Variants in ARAP2 observed in about 807,000 individuals in gnomAD.
The protein encoded by ARAP2 is arf-GAP with Rho-GAP domain, ANK repeat and PH domain-containing protein 2.
ARAP2 carries 148 observed loss-of-function variants against 194.5 expected under a neutral mutation model. The observed-to-expected ratio is 0.76, with a 90% CI of 0.67 to 0.87. The LOEUF (loss-of-function observed/expected upper bound fraction) is 0.87, where lower values mean the gene tolerates loss of function less well. Among genes scored for constraint, ARAP2 ranks in the 40% least tolerant of loss-of-function variants. The probability of loss-of-function intolerance (pLI) is 0.00; values close to 1 mark genes in which losing one functional copy is unlikely to be tolerated. For synonymous variants in ARAP2, 695 were observed against 683.5 expected (o/e 1.02, Z -0.26); for missense variants, 2,128 against 1,989.7 (o/e 1.07, Z -1.32).
In ARAP2 at chr4:36,167,014, G is replaced by A; in HGVS notation, c.1891C>T (p.Pro631Ser). 6.2e-7 allele frequency: 1 copy of A among 1,601,706 alleles called. No individual in the cohort carries two copies. Among genetic ancestry groups the A allele is most frequent in the African/African-American group, 1.3e-5 (1 of 74,514 alleles). Residue 631 changes from proline (P) to serine (S), a missense_variant, in exon 10 of 33, where the codon CCT (proline) becomes TCT (serine). Pro to Ser is a moderately conservative substitution (Grantham distance 74). Coordinates refer to ENST00000303965, the MANE Select transcript of ARAP2 (RefSeq NM_015230.4). Reference sequence around the variant, plus strand: ...TGCTTTACATTTGCTACATTCATAGGAATTATGGTAATACCAAGTCCACTC... The same window carrying A: ...TGCTTTACATTTGCTACATTCATAGAAATTATGGTAATACCAAGTCCACTC... ...FKSGLGITIIPMNVANVKQVD... is the reference protein window; with the variant it reads ...FKSGLGITIISMNVANVKQVD...
chr4:36,082,311 CA>C, intron 29 of ARAP2, 25 bp from the exon 30 acceptor site: 1 of 1,596,132 alleles, frequency 6.3e-7, no homozygotes, highest in Non-Finnish European at 8.5e-7. Context: ...AAAAAAAACA[CA>C]CATAAATTAA....
At chr4:36,238,231 C>G (rs1013087421) in intron 1 of ARAP2, among the ~76,000 whole-genome samples, 1 of 152,228 alleles carries the variant, frequency 6.6e-6, no homozygotes, top group African/African-American at 2.4e-5. Context: ...TCAACCACTA[C>G]TTCTTTCCCA....
chr4:36,167,669 T>C (rs1466044762), intron 9 of ARAP2, among the ~76,000 whole-genome samples: 1 of 152,174 alleles, frequency 6.6e-6, no homozygotes, highest in Non-Finnish European at 1.5e-5. Context: ...TTTTATTGCT[T>C]TCATCTCCCT....
At chr4:36,162,159 T>C (rs973696196) in intron 11 of ARAP2, among the ~76,000 whole-genome samples, 1 of 148,876 alleles carries the variant, frequency 6.7e-6, no homozygotes, top group Non-Finnish European at 1.5e-5. Flanking sequence ...TATATATATG[T>C]GCATGAGTGC....
At chr4:36,244,576 G>A (rs1358556591), upstream of ARAP2, 1 of 150,368 alleles carries the variant, frequency 6.7e-6, no homozygotes, top group Non-Finnish European at 1.5e-5. Context: ...CAACGGCGGG[G>A]GCGGCCCAGC....
At chr4:36,169,709 ATTT>A (rs1560582658) in intron 9 of ARAP2, among the ~76,000 whole-genome samples, 2 of 151,734 alleles carry the variant, frequency 1.3e-5, no homozygotes, top group Non-Finnish European at 2.9e-5. Context: ...CTTTTTTTGT[ATTT>A]TAGTAGAGAC....
rs530626167 is a variant in ARAP2, at chr4:36,179,264, G to T, written c.1679-1259C>A. 1.1e-4 allele frequency among the ~76,000 whole-genome samples: 16 copies of T among 152,304 alleles called. No individual in the cohort carries two copies. The East Asian group carries it at 2.9e-3, about 27-fold the overall frequency. Reference sequence around the variant, plus strand: ...TGAAAATTGAAATACAATGACTAATGAGGAATTAAGGCATTTAGGAGAGTG... The same window carrying T: ...TGAAAATTGAAATACAATGACTAATTAGGAATTAAGGCATTTAGGAGAGTG... On this transcript the variant is annotated intron_variant, in intron 8 of 32. Transcript: ENST00000303965.
chr4:36,198,105 G>A (rs945763115), intron 6 of ARAP2, among the ~76,000 whole-genome samples: 3 of 152,194 alleles, frequency 2.0e-5, no homozygotes, highest in Non-Finnish European at 2.9e-5. Context: ...GGGTGAGCAA[G>A]GCGAAGAGGA....
At chr4:36,040,502 G>A (rs1024533952) in intron 5 of ARAP2, among the ~76,000 whole-genome samples, 9 of 151,998 alleles carry the variant, frequency 5.9e-5, no homozygotes, top group African/African-American at 2.2e-4. Flanking sequence ...ATTCATTTGT[G>A]TCTTTTCTGA....
chr4:36,134,788 C>T (rs745972949), intron 19 of ARAP2, among the ~76,000 whole-genome samples: 8 of 150,786 alleles, frequency 5.3e-5, no homozygotes, highest in Non-Finnish European at 1.0e-4. Flanking sequence ...ATACATATTG[C>T]CTGCTCTTTG....
chr4:36,193,748 G>A (rs1742472527), intron 6 of ARAP2, 101 bp from the exon 7 acceptor site: 1 of 893,788 alleles, frequency 1.1e-6, no homozygotes, highest in Non-Finnish European at 1.7e-6. Context: ...ATTATTTAAT[G>A]TTAAACACCA....
At position 36,155,833 on chromosome 4, in the gene ARAP2, T is replaced by C. The variant is rs1032606387; in HGVS notation, c.2752+2897A>G. Among the ~76,000 whole-genome samples the C allele has an allele frequency of 1.1e-4, 16 of 152,224 alleles. No individual in the cohort carries two copies. In the Middle Eastern group the frequency reaches 0.01, roughly 97 times the overall value. The stretch of plus-strand genomic sequence containing the variant: ...GTTATATTCTGGAATGAGGAGCCAG[T>C]AAGTATACTTGAGCAATGGAATTAC... On this transcript the variant is annotated intron_variant, in intron 15 of 32. Coordinates refer to ENST00000303965, the MANE Select transcript of ARAP2 (RefSeq NM_015230.4).
intron 22 of ARAP2, among the ~76,000 whole-genome samples, chr4:36,121,838 C>T (rs938374373): frequency 6.6e-6 from 1 of 151,610 alleles, no homozygotes; most frequent in Non-Finnish European, 1.5e-5. Flanking sequence ...CCCATGTGTC[C>T]ATACAGCTAT....
In ARAP2 at chr4:36,148,469, C is replaced by A. The variant is rs146745669; in HGVS notation, c.2936G>T (p.Arg979Leu). The change falls in exon 17 of 33, where the codon CGT (arginine) becomes CTT (leucine). Residue 979 changes from arginine (R) to leucine (L), a missense_variant. By Grantham distance (102) the Arg-to-Leu change is moderately radical. Coordinates refer to ENST00000303965, the MANE Select transcript of ARAP2 (RefSeq NM_015230.4). Reference protein sequence around the residue: ...FIFEIYLPSERVFLFGAETSQ... With the variant: ...FIFEIYLPSELVFLFGAETSQ... Reference sequence around the variant, plus strand: ...TGTTTCAGCTCCAAATAAAAACACACGTTCGGAGGGTAAGTAGATCTCAAA... The same window carrying A: ...TGTTTCAGCTCCAAATAAAAACACAAGTTCGGAGGGTAAGTAGATCTCAAA... The A allele has an allele frequency of 4.3e-6, 7 of 1,612,958 alleles. No individual in the cohort carries two copies. The highest frequency in any genetic ancestry group is 5.9e-6 in the Non-Finnish European group (7 of 1,179,418).
At chr4:36,149,657 T>C (rs1730478736) in intron 16 of ARAP2, among the ~76,000 whole-genome samples, 1 of 152,186 alleles carries the variant, frequency 6.6e-6, no homozygotes, top group Non-Finnish European at 1.5e-5. Flanking sequence ...ACTTAGTAAC[T>C]TAATATATAG....
intron 6 of ARAP2, among the ~76,000 whole-genome samples, chr4:36,204,756 CGAG>C (rs1021615725): frequency 6.6e-6 from 1 of 151,854 alleles, no homozygotes; most frequent in Non-Finnish European, 1.5e-5. Context: ...TGTGGGAGAC[CGAG>C]GAGGGTAGAT....
chr4:36,029,461 T>C (rs1718545824), intron 5 of ARAP2, among the ~76,000 whole-genome samples: 1 of 152,060 alleles, frequency 6.6e-6, no homozygotes, highest in Non-Finnish European at 1.5e-5. Flanking sequence ...TTGTCTCATA[T>C]TCATTTGTCC....
chr4:36,056,432 T>C (rs891035580), intron 2 of ARAP2, among the ~76,000 whole-genome samples: 11 of 152,236 alleles, frequency 7.2e-5, no homozygotes, highest in African/African-American at 2.7e-4. Flanking sequence ...AAGTAATGTT[T>C]CCTGCCTTAA....
chr4:36,010,936 T>C (rs1398178445), intron 9 of ARAP2, among the ~76,000 whole-genome samples: 1 of 152,204 alleles, frequency 6.6e-6, no homozygotes, highest in Non-Finnish European at 1.5e-5. Context: ...ATCAAACTTT[T>C]GTATAATTCA....
Sources: allele counts gnomAD v4.1 joint callset (sites outside exome capture counted in the v4.1 genomes callset), GRCh38; gene constraint gnomAD v4.1.1; transcripts MANE v1.5; gene names NCBI Gene and HGNC (gene_info 2026-07-23, HGNC 2026-07-21).